Variants in GABRA1 observed in about 807,000 individuals in gnomAD.
GABRA1 encodes gamma-aminobutyric acid receptor subunit alpha-1.
In GABRA1, 9 loss-of-function variants were observed where a neutral mutation model predicts 48.9. The observed-to-expected ratio is 0.18, with a 90% CI of 0.11 to 0.32. The LOEUF (loss-of-function observed/expected upper bound fraction) is 0.32. Ranked by LOEUF, GABRA1 falls within the 10% of genes least tolerant of loss-of-function variation. The pLI, the probability that GABRA1 is intolerant of heterozygous loss-of-function variation, is 1.00. For synonymous variants in GABRA1, 210 were observed against 198.7 expected (o/e 1.06, Z -0.48); for missense variants, 285 against 553.8 (o/e 0.51, Z 4.87).
intron 8 of GABRA1, among the ~76,000 whole-genome samples, chr5:161,894,724 T>C (rs1755281273): frequency 1.3e-5 from 2 of 152,172 alleles, no homozygotes; most frequent in Admixed American, 1.3e-4. Flanking sequence ...CTGAGTATAG[T>C]GCATTACAAA....
chr5:161,854,818 T>G (rs1757585421), intron 3 of GABRA1, among the ~76,000 whole-genome samples: 1 of 151,572 alleles, frequency 6.6e-6, no homozygotes, highest in South Asian at 2.1e-4. Flanking sequence ...TTTATTTTAC[T>G]TGGTATATCA....
At chr5:161,878,513 G>C (rs1754464629) in intron 6 of GABRA1, among the ~76,000 whole-genome samples, 1 of 152,156 alleles carries the variant, frequency 6.6e-6, no homozygotes, top group Non-Finnish European at 1.5e-5. Context: ...TAATTTAGTG[G>C]AACAGTCTGT....
intron 6 of GABRA1, among the ~76,000 whole-genome samples, chr5:161,876,104 C>G (rs568922335): frequency 6.3e-4 from 96 of 152,102 alleles, no homozygotes; most frequent in Non-Finnish European, 1.2e-3. Context: ...CTACACCAAA[C>G]TGATGTTGCA....
intron 8 of GABRA1, among the ~76,000 whole-genome samples, chr5:161,893,309 C>A (rs996856126): frequency 4.6e-5 from 7 of 151,968 alleles, no homozygotes; most frequent in Non-Finnish European, 8.8e-5. Context: ...TTAGTTGTGA[C>A]AAGTATTTTT....
At position 161,897,408 on chromosome 5, in the gene GABRA1, A is replaced by C. The variant is rs747892371; in HGVS notation, c.1357A>C (p.Thr453Pro). 1 of 1,613,814 alleles carries C rather than the reference A, an allele frequency of 6.2e-7. No homozygotes were observed. Among genetic ancestry groups the C allele is most frequent in the Admixed American group, 1.7e-5 (1 of 60,018 alleles). The change falls in exon 10 of 10, where the codon ACA (threonine) becomes CCA (proline). Residue 453 changes from threonine (T) to proline (P), a missense_variant. Thr to Pro is a conservative substitution (Grantham distance 38). Transcript: ENST00000393943. ...LNREPQLKAP[T>P]PHQ ...CAGAGAGCCTCAGCTAAAAGCCCCC[A>C]CACCACATCAATAGATCTTTTACTC...
intron 3 of GABRA1, among the ~76,000 whole-genome samples, chr5:161,855,191 ACTT>A (rs745826279): frequency 1.8e-4 from 28 of 151,770 alleles, no homozygotes; most frequent in Admixed American, 4.6e-4. Context: ...TAAGACAGCC[ACTT>A]CTTCTTCATT....
At chr5:161,893,807 T>A (rs958274089) in intron 8 of GABRA1, among the ~76,000 whole-genome samples, 3 of 152,232 alleles carry the variant, frequency 2.0e-5, no homozygotes, top group African/African-American at 4.8e-5. Context: ...TGCTGTTTTT[T>A]AAAAATTTAG....
chr5:161,881,498 G>A (rs960929537), intron 6 of GABRA1, among the ~76,000 whole-genome samples: 1 of 152,116 alleles, frequency 6.6e-6, no homozygotes, highest in Non-Finnish European at 1.5e-5. Context: ...AAAAATGATT[G>A]AGAAGAGTGA....
intron 8 of GABRA1, among the ~76,000 whole-genome samples, chr5:161,893,009 A>AAT (rs3078111): frequency 0.052 from 6,412 of 122,384 alleles, 206 homozygotes; most frequent in Non-Finnish European, 0.058. Context: ...CTTCTCAAAA[A>AAT]AATAATAATA....
At chr5:161,893,749 T>C (rs1018711088) in intron 8 of GABRA1, among the ~76,000 whole-genome samples, 24 of 152,194 alleles carry the variant, frequency 1.6e-4, no homozygotes, top group African/African-American at 5.5e-4. Context: ...CTTCCTCTTA[T>C]GGAGCTTCAG....
At chr5:161,866,112 A>T (rs1753829074) in intron 4 of GABRA1, among the ~76,000 whole-genome samples, 1 of 152,082 alleles carries the variant, frequency 6.6e-6, no homozygotes, top group Non-Finnish European at 1.5e-5. Context: ...TTAGCAGGCC[A>T]TGTTGATTCA....
intron 8 of GABRA1, among the ~76,000 whole-genome samples, chr5:161,895,252 T>C (rs1755310006): frequency 1.3e-5 from 2 of 152,110 alleles, no homozygotes; most frequent in African/African-American, 4.8e-5. Context: ...TTGGGGTACA[T>C]AGAATATTAA....
At chr5:161,872,658 G>A (rs868483778) in intron 4 of GABRA1, among the ~76,000 whole-genome samples, 1 of 152,002 alleles carries the variant, frequency 6.6e-6, no homozygotes, top group African/African-American at 2.4e-5. Context: ...CTTGGGTGTG[G>A]GCATGAGGTT....
chr5:161,869,840 T>C (rs1754030466), intron 4 of GABRA1, among the ~76,000 whole-genome samples: 1 of 152,144 alleles, frequency 6.6e-6, no homozygotes, highest in Non-Finnish European at 1.5e-5. Context: ...TTGTCCAACC[T>C]CTCTTCCACG....
intron 6 of GABRA1, among the ~76,000 whole-genome samples, chr5:161,879,534 C>T (rs1156285694): frequency 6.6e-6 from 1 of 152,138 alleles, no homozygotes; most frequent in African/African-American, 2.4e-5. Flanking sequence ...ATGCTGATGT[C>T]TCTGGTCAAG....
intron 2 of GABRA1, 36 bp downstream of exon 2, chr5:161,850,920 T>A: frequency 6.5e-7 from 1 of 1,547,646 alleles, no homozygotes; most frequent in Non-Finnish European, 8.9e-7. Context: ...CATGAAAATT[T>A]CTGTAACTTT....
chr5:161,876,230 G>A (rs895591520), intron 6 of GABRA1, among the ~76,000 whole-genome samples: 1 of 151,806 alleles, frequency 6.6e-6, no homozygotes, highest in Admixed American at 6.6e-5. Context: ...CTGGATAAAT[G>A]CCCTTCATAA....
In GABRA1 at chr5:161,873,308, A is replaced by G. The variant is rs1445880001; in HGVS notation, c.447A>G (p.Thr149=). Residue 149 remains threonine, a synonymous_variant, in exon 5 of 10, where the codon ACA becomes ACG. Coordinates refer to ENST00000393943, the MANE Select transcript of GABRA1 (RefSeq NM_001127644.2). ...TGCCCAACAAACTCCTGCGGATCACAGAGGATGGCACCTTGCTGTACACCA... is the reference window on the plus strand; with the variant it reads ...TGCCCAACAAACTCCTGCGGATCACGGAGGATGGCACCTTGCTGTACACCA... ...MTMPNKLLRI[T]EDGTLLYTMR... is the part of the protein sequence containing the mutation. 6 of 1,613,622 alleles carry G rather than the reference A, an allele frequency of 3.7e-6. No individual in the cohort carries two copies. Among genetic ancestry groups the G allele is most frequent in the Non-Finnish European group, 4.2e-6 (5 of 1,179,772 alleles).
intron 3 of GABRA1, among the ~76,000 whole-genome samples, chr5:161,864,087 G>A (rs760533351): frequency 1.3e-5 from 2 of 151,998 alleles, no homozygotes; most frequent in African/African-American, 4.8e-5. Context: ...AGTATAAGGA[G>A]GGGTTTATTT....
Sources: gnomAD v4.1 joint callset for allele counts (sites outside exome capture counted in the v4.1 genomes callset) on GRCh38, gnomAD v4.1.1 for gene constraint, MANE v1.5 for transcripts, NCBI Gene and HGNC (gene_info 2026-07-23, HGNC 2026-07-21) for gene names.